Variants in NLRP1 observed in about 807,000 individuals in gnomAD.
NLRP1 encodes NLR family pyrin domain containing 1.
A neutral mutation model predicts 136.7 loss-of-function variants in NLRP1; 94 were observed. That is an observed-to-expected ratio of 0.69 (90% CI 0.58 to 0.82). The LOEUF is 0.82. NLRP1 is among the 40% of genes least tolerant of loss of function. The probability of loss-of-function intolerance (pLI) is 0.00; values close to 1 mark genes in which losing one functional copy is unlikely to be tolerated. For missense variants in NLRP1, 1,575 were observed against 1,802.7 expected (o/e 0.87, Z 2.29); for synonymous variants, 690 against 725.1 (o/e 0.95, Z 0.78).
chr17:5,531,849 G>C (rs963746999), intron 11 of NLRP1, among the ~76,000 whole-genome samples: 19 of 152,208 alleles, frequency 1.2e-4, no homozygotes, highest in African/African-American at 4.3e-4. Flanking sequence ...ATTAGTGGCT[G>C]TTAATAAAAC....
At position 5,558,614 on chromosome 17, in the gene NLRP1, C is replaced by G. The variant is rs144276097; in HGVS notation, c.2082G>C (p.Leu694=). Residue 694 remains leucine, a synonymous_variant, in exon 4 of 17, where the codon CTG becomes CTC. Transcript: ENST00000572272. ...REMENIFHCR[L]SQGRNLMQWV... ...ACTGCATCAGGTTCCTCCCCTGAGA[C>G]AGCCGGCAGTGAAAGATGTTCTCCA... is the stretch of plus-strand genomic sequence containing the variant. 1.2e-6 allele frequency: 2 copies of G among 1,614,024 alleles called. No homozygotes were observed. Among genetic ancestry groups the G allele is most frequent in the African/African-American group, 2.7e-5 (2 of 74,910 alleles).
In NLRP1 at chr17:5,521,791, A is replaced by G. The variant is rs757543234; in HGVS notation, c.3521-5T>C. 8 of 1,585,264 alleles carry G rather than the reference A, an allele frequency of 5.0e-6. No homozygotes were observed. The highest frequency in any genetic ancestry group is 6.9e-6 in the Non-Finnish European group (8 of 1,165,878). ...GGGATGTGTCCACATGGCCCCCTGT[A>G]AAAGAATGGATTGAAGAGGCACAGG... On this transcript the variant is annotated splice_region_variant and splice_polypyrimidine_tract_variant and intron_variant, in intron 12 of 16. Transcript: ENST00000572272.
intron 12 of NLRP1, among the ~76,000 whole-genome samples, chr17:5,525,798 T>C (rs1009655965): frequency 8.5e-5 from 13 of 152,196 alleles, no homozygotes; most frequent in Admixed American, 5.9e-4. Context: ...ACTGTGCAGA[T>C]TGACTGGGTT....
In NLRP1 at chr17:5,528,457, T is replaced by A. The variant is rs557586107; in HGVS notation, c.3520+2024A>T. 2.0e-5 allele frequency among the ~76,000 whole-genome samples: 3 copies of A among 152,336 alleles called. No homozygotes were observed. In the South Asian group the frequency reaches 6.2e-4, roughly 32 times the overall value. ...TAGGGAATGCCCATATGACCCTGAC[T>A]GTTCAACCAGGTGCCCCAGGGATCC... On this transcript the variant is annotated intron_variant, in intron 12 of 16. Coordinates refer to ENST00000572272, the MANE Select transcript of NLRP1 (RefSeq NM_033004.4).
chr17:5,548,749 G>T (rs1047496238), intron 5 of NLRP1, among the ~76,000 whole-genome samples: 1 of 149,928 alleles, frequency 6.7e-6, no homozygotes, highest in Non-Finnish European at 1.5e-5. Flanking sequence ...TCCTTATCTT[G>T]ACCTCCCAGC....
chr17:5,528,186 T>G (rs1470946565), intron 12 of NLRP1, among the ~76,000 whole-genome samples: 1 of 152,198 alleles, frequency 6.6e-6, no homozygotes, highest in Non-Finnish European at 1.5e-5. Flanking sequence ...CAGGCCCCTC[T>G]CTTCTTGATA....
downstream of NLRP1, among the ~76,000 whole-genome samples, chr17:5,509,645 G>A (rs956934923): frequency 6.6e-6 from 1 of 152,166 alleles, no homozygotes; most frequent in Admixed American, 6.5e-5. Context: ...TCGGCTCACT[G>A]CATGAGCCAG....
At chr17:5,517,361 T>A (rs373681457) in intron 15 of NLRP1, among the ~76,000 whole-genome samples, 756 of 42,406 alleles carry the variant, frequency 0.018, 49 homozygotes, top group African/African-American at 0.058. Context: ...CCCCCCCCCC[T>A]CCCACATACA....
intron 6 of NLRP1, among the ~76,000 whole-genome samples, chr17:5,540,490 T>G (rs980544847): frequency 2.0e-5 from 3 of 152,086 alleles, no homozygotes; most frequent in Non-Finnish European, 4.4e-5. Context: ...CAGTCCAAGC[T>G]TGTAAATGTC....
chr17:5,575,538 T>C lies in NLRP1; in HGVS notation c.652+6321A>G, dbSNP rs539604823. ...AAAAGAGACAAAGAAGGCCATTACATAATGGTAAAGGGATCAATTCAACAA... is the reference window on the plus strand; with the variant it reads ...AAAAGAGACAAAGAAGGCCATTACACAATGGTAAAGGGATCAATTCAACAA... On this transcript the variant is annotated intron_variant, in intron 3 of 16. Transcript: ENST00000572272. Among the ~76,000 whole-genome samples, 26 of 152,308 alleles carry C rather than the reference T, an allele frequency of 1.7e-4. No individual in the cohort carries two copies. The Middle Eastern group carries it at 0.017, about 100-fold the overall frequency.
chr17:5,535,164 G>A (rs543328420), intron 8 of NLRP1, among the ~76,000 whole-genome samples: 1 of 152,142 alleles, frequency 6.6e-6, no homozygotes, highest in African/African-American at 2.4e-5. Flanking sequence ...AGGTTACAGT[G>A]AGCCGAGATC....
chr17:5,533,545 G>A (rs71368557), intron 9 of NLRP1, among the ~76,000 whole-genome samples, 161 bp from the exon 10 acceptor site: 5,796 of 142,610 alleles, frequency 0.041, 148 homozygotes, highest in Middle Eastern at 0.089. Flanking sequence ...ACTAGAGTGA[G>A]ACTCTGTTTT....
chr17:5,545,814 G>T (rs1912595090), intron 5 of NLRP1, among the ~76,000 whole-genome samples: 1 of 152,214 alleles, frequency 6.6e-6, no homozygotes, highest in Non-Finnish European at 1.5e-5. Context: ...CTCCCTGGGT[G>T]GTCGGTTCTA....
chr17:5,546,211 A>T (rs11651816), intron 5 of NLRP1, among the ~76,000 whole-genome samples: 7,191 of 152,302 alleles, frequency 0.047, 197 homozygotes, highest in Middle Eastern at 0.085. Flanking sequence ...CATCAGTATC[A>T]TGGATCTGCC....
chr17:5,521,075 G>A, intron 13 of NLRP1, 63 bp from the exon 14 acceptor site: 1 of 1,483,382 alleles, frequency 6.7e-7, no homozygotes, highest in Non-Finnish European at 9.1e-7. Context: ...GGTTTGAATA[G>A]GGGGGATGGT....
At chr17:5,522,092 TG>T (rs1908984329) in intron 12 of NLRP1, among the ~76,000 whole-genome samples, 2 of 152,268 alleles carry the variant, frequency 1.3e-5, no homozygotes, top group African/African-American at 4.8e-5. Flanking sequence ...CCCAAAGTGC[TG>T]GGATTACAGG....
Position 5,584,268 on chromosome 17 carries a change from G to A in NLRP1, c.-311C>T. On this transcript the variant is annotated 5_prime_UTR_variant, in exon 1 of 17. Transcript: ENST00000572272. Reference sequence around the variant, plus strand: ...AGGGTGAGGGGAGATGTGGTGACGGGAGATGGGGTGTGGGCAACGCTCACT... The same window carrying A: ...AGGGTGAGGGGAGATGTGGTGACGGAAGATGGGGTGTGGGCAACGCTCACT... 1 of 455,700 alleles carries A rather than the reference G, an allele frequency of 2.2e-6. No individual in the cohort carries two copies. Among genetic ancestry groups the A allele is most frequent in the Non-Finnish European group, 4.0e-6 (1 of 249,142 alleles). 28.2% of individuals were successfully genotyped at this position (455,700 alleles called of 1,614,324 possible). A position where few individuals can be genotyped will look rare whatever the true frequency, so the allele number is the denominator to read the frequency against.
At chr17:5,515,580 C>T (rs1908001104) in intron 15 of NLRP1, 63 bp from the exon 16 acceptor site, 1 of 1,236,252 alleles carries the variant, frequency 8.1e-7, no homozygotes, top group African/African-American at 1.5e-5. Context: ...ACACATGGTA[C>T]ACCTCCAAGC....
intron 3 of NLRP1, among the ~76,000 whole-genome samples, chr17:5,565,395 G>C (rs1016367029): frequency 5.3e-5 from 8 of 152,140 alleles, no homozygotes; most frequent in African/African-American, 1.9e-4. Flanking sequence ...TCCCTTGTCT[G>C]AAGGGTAGTT....
Sources: allele counts gnomAD v4.1 joint callset (sites outside exome capture counted in the v4.1 genomes callset), GRCh38; gene constraint gnomAD v4.1.1; transcripts MANE v1.5; gene names NCBI Gene and HGNC (gene_info 2026-07-23, HGNC 2026-07-21).